The following KALRN variants were observed in gnomAD, a reference collection of about 807,000 sequenced individuals.
The protein encoded by KALRN is kalirin.
KALRN carries 70 observed loss-of-function variants against 353.7 expected under a neutral mutation model. That is an observed-to-expected ratio of 0.20 (90% CI 0.16 to 0.24). The LOEUF (loss-of-function observed/expected upper bound fraction) is 0.24, where lower values mean the gene tolerates loss of function less well. KALRN is among the 10% of genes least tolerant of loss of function. The pLI is 1.00. For missense variants in KALRN, 2,791 were observed against 3,756.7 expected, an observed-to-expected ratio of 0.74 and a Z score of 6.72; for synonymous variants, 1,391 against 1,434.8, an observed-to-expected ratio of 0.97 and a Z score of 0.69.
chr3:124,513,978 C>T (rs1251129615), intron 33 of KALRN, among the ~76,000 whole-genome samples: 1 of 152,158 alleles, frequency 6.6e-6, no homozygotes, highest in Non-Finnish European at 1.5e-5. Flanking sequence ...AAAGGAGACC[C>T]TTCAGGCAGA....
chr3:124,639,471 T>C (rs898938546), intron 37 of KALRN, among the ~76,000 whole-genome samples: 2 of 152,218 alleles, frequency 1.3e-5, no homozygotes, highest in Admixed American at 6.5e-5. Context: ...CTTTTACACT[T>C]AGTGGGTTTT....
intron 1 of KALRN, among the ~76,000 whole-genome samples, chr3:124,117,051 T>C (rs2063520325): frequency 6.6e-6 from 1 of 152,194 alleles, no homozygotes; most frequent in Non-Finnish European, 1.5e-5. Context: ...CAAATTAACA[T>C]CTGCTCACCA....
intron 31 of KALRN, among the ~76,000 whole-genome samples, chr3:124,492,363 C>T (rs2063258450): frequency 6.6e-6 from 1 of 152,164 alleles, no homozygotes; most frequent in Non-Finnish European, 1.5e-5. Flanking sequence ...AGATGCTGCC[C>T]CTCCCAGTGC....
intron 53 of KALRN, among the ~76,000 whole-genome samples, 189 bp downstream of exon 53, chr3:124,694,692 G>T (rs1311188432): frequency 2.6e-5 from 4 of 152,182 alleles, no homozygotes; most frequent in Non-Finnish European, 4.4e-5. Flanking sequence ...GTGTTAGTCA[G>T]AGCCTCTGCC....
At chr3:124,160,417 C>T (rs2069732953) in intron 1 of KALRN, among the ~76,000 whole-genome samples, 1 of 151,940 alleles carries the variant, frequency 6.6e-6, no homozygotes, top group African/African-American at 2.4e-5. Context: ...GAGGTCTGTG[C>T]AGAGAGAAGG....
chr3:124,294,520 C>CTTTTTTTTTTTTTTTTTTTTTT lies in KALRN; in HGVS notation c.970-4270_970-4249dup, dbSNP rs397990993. On this transcript the variant is annotated intron_variant, in intron 5 of 59. Transcript: ENST00000682506. The stretch of plus-strand genomic sequence containing the variant: ...GGGCTGAGACTAAGAAGATTCTCTT[C>CTTTTTTTTTTTTTTTTTTTTTT]TTTTTTTTTTTTTTTTTTTTTTGAG... Among the ~76,000 whole-genome samples, 2 of 73,898 alleles carry CTTTTTTTTTTTTTTTTTTTTTT rather than the reference C, an allele frequency of 2.7e-5. 1 individual carries two copies. Among genetic ancestry groups the CTTTTTTTTTTTTTTTTTTTTTT allele is most frequent in the Non-Finnish European group, 4.9e-5 (2 of 40,840 alleles). The allele number at this position is 73,898 out of a possible 152,430, so 48.5% of individuals were successfully genotyped here. A position where few individuals can be genotyped will look rare whatever the true frequency, so the allele number is the denominator to read the frequency against.
chr3:124,516,655 A>T (rs2066608332), intron 33 of KALRN, among the ~76,000 whole-genome samples: 1 of 148,886 alleles, frequency 6.7e-6, no homozygotes, highest in South Asian at 2.1e-4. Flanking sequence ...AAAAAAAAAA[A>T]CCTGGTAATG....
rs1412643800 is a variant in KALRN at position 124,355,785 on chromosome 3, G to A, written c.1770+8520G>A. ...GGCTGGAGTGTGGTGGTACAACCTT[G>A]GCTCACTGCAATCTCTGCCCCCCAG... is the stretch of plus-strand genomic sequence containing the variant. On this transcript the variant is annotated intron_variant, in intron 10 of 59. Coordinates refer to ENST00000682506, the MANE Select transcript of KALRN (RefSeq NM_001388419.1). 9.2e-5 allele frequency among the ~76,000 whole-genome samples: 12 copies of A among 130,462 alleles called. No individual in the cohort carries two copies. The Admixed American group carries it at 1.1e-3, about 12-fold the overall frequency. The allele number at this position is 130,462 out of a possible 152,430, so 85.6% of individuals were successfully genotyped here.
chr3:124,680,273 C>T (rs936983045), intron 51 of KALRN, among the ~76,000 whole-genome samples: 3 of 152,230 alleles, frequency 2.0e-5, no homozygotes, highest in Non-Finnish European at 4.4e-5. Context: ...GGGAGTGGAA[C>T]CAACGCCTGT....
chr3:124,387,983 G>T (rs988593952), intron 11 of KALRN, among the ~76,000 whole-genome samples: 1 of 151,788 alleles, frequency 6.6e-6, no homozygotes, highest in Admixed American at 6.6e-5. Context: ...TAGAAAATAA[G>T]GTGTGTGTGT....
intron 51 of KALRN, among the ~76,000 whole-genome samples, chr3:124,689,713 G>C (rs900026996): frequency 6.6e-6 from 1 of 152,112 alleles, no homozygotes; most frequent in African/African-American, 2.4e-5. Context: ...GGTGACTTCA[G>C]TTAATTTCAT....
chr3:124,561,551 C>T (rs536693897), intron 33 of KALRN, among the ~76,000 whole-genome samples: 2 of 152,192 alleles, frequency 1.3e-5, no homozygotes, highest in Admixed American at 6.5e-5. Context: ...CTCACTGTGG[C>T]GTTCACTGTG....
chr3:124,495,965 G>GTATATATATATA (rs768441029), intron 32 of KALRN, among the ~76,000 whole-genome samples: 144 of 41,362 alleles, frequency 3.5e-3, no homozygotes, highest in African/African-American at 5.9e-3. Flanking sequence ...GTGTATGTAT[G>GTATATATATATA]TATATATATA....
intron 33 of KALRN, among the ~76,000 whole-genome samples, chr3:124,541,533 C>T (rs886525317): frequency 5.9e-5 from 9 of 151,922 alleles, no homozygotes; most frequent in African/African-American, 2.2e-4. Context: ...GCTAATTTTA[C>T]ATCAGTCCTA....
At chr3:124,600,122 A>T (rs6808591) in intron 34 of KALRN, among the ~76,000 whole-genome samples, 5 of 152,166 alleles carry the variant, frequency 3.3e-5, no homozygotes, top group African/African-American at 1.2e-4. Context: ...AGCCGCGGGG[A>T]AAGAAGAGCA....
intron 13 of KALRN, among the ~76,000 whole-genome samples, chr3:124,405,915 A>T (rs1022936341): frequency 6.6e-6 from 1 of 152,188 alleles, no homozygotes; most frequent in Non-Finnish European, 1.5e-5. Flanking sequence ...AAGTACTGGG[A>T]TTACAGGCGT....
chr3:124,677,754 T>A (rs546583018), intron 49 of KALRN: 16 of 390,230 alleles, frequency 4.1e-5, no homozygotes, highest in Non-Finnish European at 6.0e-5. Flanking sequence ...TTCTGTCTGG[T>A]CCTGGGAAAG....
intron 1 of KALRN, among the ~76,000 whole-genome samples, chr3:124,137,913 A>T (rs2066129395): frequency 6.6e-6 from 1 of 152,102 alleles, no homozygotes; most frequent in Non-Finnish European, 1.5e-5. Context: ...TGGGATATGG[A>T]TGCTTGACCC....
chr3:124,042,064 A>C (rs1293197411), intron 1 of KALRN, among the ~76,000 whole-genome samples: 1 of 152,228 alleles, frequency 6.6e-6, no homozygotes. Flanking sequence ...GGGAGTGGCT[A>C]CTTCTCCTTG....
Sources: gnomAD v4.1 joint callset for allele counts (sites outside exome capture counted in the v4.1 genomes callset) on GRCh38, gnomAD v4.1.1 for gene constraint, MANE v1.5 for transcripts, NCBI Gene and HGNC (gene_info 2026-07-23, HGNC 2026-07-21) for gene names.